SNW1: variants seen among roughly 807,000 people sequenced by gnomAD.
SNW1 encodes the protein SNW domain-containing protein 1.
Under a neutral mutation model 75.6 loss-of-function variants are expected in SNW1, and 9 were observed. The observed-to-expected ratio is 0.12, with a 90% CI of 0.07 to 0.21. The LOEUF (loss-of-function observed/expected upper bound fraction) is 0.21. SNW1 is among the 10% of genes least tolerant of loss of function. SNW1 has a pLI of 1.00. For synonymous variants in SNW1, 200 were observed against 219.1 expected, an observed-to-expected ratio of 0.91 and a Z score of 0.77; for missense variants, 409 against 670.9, an observed-to-expected ratio of 0.61 and a Z score of 4.31.
In SNW1 at chr14:77,720,526, C is replaced by T. The variant is rs150148810; in HGVS notation, c.1248+185G>A. 446 of 732,932 alleles carry T rather than the reference C, an allele frequency of 6.1e-4. 1 individual carries two copies. The highest frequency in any genetic ancestry group is 8.6e-4 in the Non-Finnish European group (340 of 397,520). 45.4% of individuals were successfully genotyped at this position (732,932 alleles called of 1,614,324 possible). Reference sequence around the variant, plus strand: ...TCTTTCTTCTCCTAGTGTCTCAAATCTCAGCCCACTATAAGAAGTTAAAAT... The same window carrying T: ...TCTTTCTTCTCCTAGTGTCTCAAATTTCAGCCCACTATAAGAAGTTAAAAT... On this transcript the variant is annotated intron_variant, in intron 12 of 13. Coordinates refer to ENST00000261531, the MANE Select transcript of SNW1 (RefSeq NM_012245.3).
chr14:77,737,857 T>A (rs529171735), intron 5 of SNW1, among the ~76,000 whole-genome samples: 18 of 151,282 alleles, frequency 1.2e-4, no homozygotes, highest in African/African-American at 4.1e-4. Flanking sequence ...CTGAGCATGG[T>A]GGTGCAAGCC....
intron 10 of SNW1, among the ~76,000 whole-genome samples, chr14:77,725,044 T>C (rs2080574068): frequency 6.6e-6 from 1 of 152,220 alleles, no homozygotes; most frequent in Non-Finnish European, 1.5e-5. Context: ...CCATTTTAAC[T>C]GGAGTGACAT....
chr14:77,738,252 G>C (rs572116874), intron 5 of SNW1, among the ~76,000 whole-genome samples: 2 of 152,210 alleles, frequency 1.3e-5, no homozygotes, highest in African/African-American at 4.8e-5. Context: ...AGTGAGCCAA[G>C]ATCACACCAC....
intron 2 of SNW1, 93 bp from the exon 3 acceptor site, chr14:77,751,573 G>T: frequency 2.0e-6 from 2 of 982,680 alleles, no homozygotes; most frequent in Non-Finnish European, 2.9e-6. Context: ...TGAGTCCTTA[G>T]TATGCTAGAT....
chr14:77,754,797 A>C (rs78426097), intron 2 of SNW1, among the ~76,000 whole-genome samples, 170 bp downstream of exon 2: 1 of 152,262 alleles, frequency 6.6e-6, no homozygotes, highest in Non-Finnish European at 1.5e-5. Flanking sequence ...ATAAGCAAAA[A>C]GAAAATGATA....
chr14:77,728,343 T>C (rs777773044), intron 10 of SNW1, among the ~76,000 whole-genome samples: 7 of 152,034 alleles, frequency 4.6e-5, no homozygotes, highest in African/African-American at 7.2e-5. Context: ...CCCAGCTACT[T>C]GGAAGGCTTA....
Position 77,717,599 on chromosome 14 carries a change from TTTTGTCTAAATGTTTTTA to T in SNW1, c.*471_*488del. 10 of 1,558,466 alleles carry T rather than the reference TTTTGTCTAAATGTTTTTA, an allele frequency of 6.4e-6. No individual in the cohort carries two copies. The highest frequency in any genetic ancestry group is 8.8e-6 in the Non-Finnish European group (10 of 1,134,312). ...TTAATAAAGTTAACATAACTGAGAA[TTTTGTCTAAATGTTTTTA>T]TTTGAAACAAATAGTTGCACCAAGC... is the stretch of plus-strand genomic sequence containing the variant. On this transcript the variant is annotated 3_prime_UTR_variant, in exon 14 of 14. Transcript: ENST00000261531.
At position 77,717,610 on chromosome 14, in the gene SNW1, T is replaced by C; in HGVS notation, c.*478A>G. The stretch of plus-strand genomic sequence containing the variant: ...AACATAACTGAGAATTTTGTCTAAA[T>C]GTTTTTATTTGAAACAAATAGTTGC... On this transcript the variant is annotated 3_prime_UTR_variant, in exon 14 of 14. Coordinates refer to ENST00000261531, the MANE Select transcript of SNW1 (RefSeq NM_012245.3). 6.5e-7 allele frequency: 1 copy of C among 1,532,258 alleles called. No individual in the cohort carries two copies. Among genetic ancestry groups the C allele is most frequent in the South Asian group, 1.1e-5 (1 of 87,520 alleles). 94.9% of individuals were successfully genotyped at this position (1,532,258 alleles called of 1,614,324 possible).
intron 1 of SNW1, 35 bp downstream of exon 1, chr14:77,761,079 C>T: frequency 1.9e-6 from 3 of 1,614,270 alleles, no homozygotes; most frequent in Admixed American, 3.3e-5. Context: ...TACTCCCAGA[C>T]CCTTCCGTAT....
At chr14:77,742,283 G>A (rs1394948630) in intron 3 of SNW1, among the ~76,000 whole-genome samples, 1 of 151,904 alleles carries the variant, frequency 6.6e-6, no homozygotes, top group African/African-American at 2.4e-5. Context: ...CGATCCACCC[G>A]CCTCGGCCTC....
intron 1 of SNW1, among the ~76,000 whole-genome samples, chr14:77,756,897 CA>C (rs1026113199): frequency 2.0e-5 from 3 of 151,932 alleles, no homozygotes; most frequent in South Asian, 2.1e-4. Flanking sequence ...CAAACAACAA[CA>C]AAAAAACCCT....
intron 1 of SNW1, among the ~76,000 whole-genome samples, chr14:77,757,460 T>C (rs1002028517): frequency 2.6e-5 from 4 of 152,202 alleles, no homozygotes; most frequent in Non-Finnish European, 5.9e-5. Context: ...ATCTACTTCA[T>C]AAGGTTCTTA....
chr14:77,742,723 C>T (rs8022516), intron 3 of SNW1, among the ~76,000 whole-genome samples: 98,122 of 151,378 alleles, frequency 0.65, 32,166 homozygotes, highest in South Asian at 0.72. Context: ...GGGTATAGTA[C>T]GTGTGTAACA....
chr14:77,729,348 C>T (rs77101392), intron 10 of SNW1, among the ~76,000 whole-genome samples: 16,650 of 152,032 alleles, frequency 0.11, 1,093 homozygotes, highest in African/African-American at 0.17. Flanking sequence ...TACTTTTTTT[C>T]GTATCTCCAC....
intron 10 of SNW1, among the ~76,000 whole-genome samples, chr14:77,724,862 T>A (rs1009172956): frequency 6.6e-6 from 1 of 152,228 alleles, no homozygotes; most frequent in Non-Finnish European, 1.5e-5. Context: ...TTTGGATATA[T>A]ACCCAGCAGT....
chr14:77,734,498 G>GCAAA (rs1356033410), intron 8 of SNW1, among the ~76,000 whole-genome samples: 1 of 152,188 alleles, frequency 6.6e-6, no homozygotes, highest in East Asian at 1.9e-4. Flanking sequence ...TAAGCCCTTT[G>GCAAA]GGTGGCCGAG....
At chr14:77,747,340 C>G (rs2080768714) in intron 3 of SNW1, among the ~76,000 whole-genome samples, 1 of 152,178 alleles carries the variant, frequency 6.6e-6, no homozygotes, top group African/African-American at 2.4e-5. Context: ...GGCCGCCACC[C>G]TGTCTGGGAA....
chr14:77,726,348 A>T (rs1453909587), intron 10 of SNW1, among the ~76,000 whole-genome samples: 1 of 152,208 alleles, frequency 6.6e-6, no homozygotes, highest in African/African-American at 2.4e-5. Context: ...AAAAAGAGAT[A>T]GGGTCTTACT....
chr14:77,736,872 G>T, intron 6 of SNW1, 99 bp downstream of exon 6: 1 of 823,948 alleles, frequency 1.2e-6, no homozygotes, highest in Non-Finnish European at 2.1e-6. Flanking sequence ...GAATCATACT[G>T]TATGTACTTG....
Sources: gnomAD v4.1 joint callset for allele counts (sites outside exome capture counted in the v4.1 genomes callset) on GRCh38, gnomAD v4.1.1 for gene constraint, MANE v1.5 for transcripts, NCBI Gene and HGNC (gene_info 2026-07-23, HGNC 2026-07-21) for gene names.